The following CNTN5 variants were observed in gnomAD, a reference collection of about 807,000 sequenced individuals.
CNTN5 encodes contactin-5.
In CNTN5, 77 loss-of-function variants were observed where a neutral mutation model predicts 129.1. That is an observed-to-expected ratio of 0.60 (90% CI 0.50 to 0.72). The LOEUF is 0.72. Among genes scored for constraint, CNTN5 ranks in the 30% least tolerant of loss-of-function variants. The pLI is 0.00. For missense variants in CNTN5, 1,478 were observed against 1,328.8 expected, an observed-to-expected ratio of 1.11 and a Z score of -1.75; for synonymous variants, 509 against 465.6, an observed-to-expected ratio of 1.09 and a Z score of -1.20.
chr11:99,386,909 A>AC (rs397936621), intron 2 of CNTN5, among the ~76,000 whole-genome samples: 1 of 151,970 alleles, frequency 6.6e-6, no homozygotes, highest in Non-Finnish European at 1.5e-5. Flanking sequence ...AAACAAAAAA[A>AC]CTTTTATTTA....
In CNTN5 at chr11:99,488,369, C is replaced by T. The variant is rs866531392; in HGVS notation, c.-70-67776C>T. ...TGTATTTTTAGTAGAGACGGGGTTT[C>T]ACCATGTTGGTCAGGCTGGTCTCGA... On this transcript the variant is annotated intron_variant, in intron 2 of 24. Transcript: ENST00000524871. Among the ~76,000 whole-genome samples the T allele has an allele frequency of 2.0e-4, 30 of 152,012 alleles. 1 individual carries two copies. The highest frequency in any genetic ancestry group is 3.4e-3 in the Middle Eastern group (1 of 294).
At chr11:100,105,820 C>G (rs531669907) in intron 13 of CNTN5, among the ~76,000 whole-genome samples, 13 of 152,262 alleles carry the variant, frequency 8.5e-5, no homozygotes, top group African/African-American at 2.9e-4. Flanking sequence ...GTGCCCAAGG[C>G]TCCATGCAGC....
chr11:99,166,550 G>A (rs1860881916), intron 1 of CNTN5, among the ~76,000 whole-genome samples: 1 of 152,038 alleles, frequency 6.6e-6, no homozygotes, highest in Non-Finnish European at 1.5e-5. Context: ...ATACTAGAGG[G>A]AGTAAAAGAC....
intron 13 of CNTN5, among the ~76,000 whole-genome samples, chr11:100,189,728 T>A (rs1415721098): frequency 6.6e-6 from 1 of 152,094 alleles, no homozygotes; most frequent in Non-Finnish European, 1.5e-5. Flanking sequence ...TGAATAGAAC[T>A]TTTCATTGAC....
chr11:99,906,229 T>G (rs933872167), intron 6 of CNTN5, among the ~76,000 whole-genome samples: 1 of 152,180 alleles, frequency 6.6e-6, no homozygotes, highest in African/African-American at 2.4e-5. Flanking sequence ...TCAAAGGGAA[T>G]GCTTCCACCT....
chr11:99,200,142 G>T (rs1358498720), intron 1 of CNTN5, among the ~76,000 whole-genome samples: 1 of 151,980 alleles, frequency 6.6e-6, no homozygotes, highest in East Asian at 1.9e-4. Context: ...ATTCCAGCTA[G>T]CTGTGGGCAA....
chr11:100,340,382 C>CA (rs1565439293), intron 21 of CNTN5, 81 bp from the exon 22 acceptor site: 2 of 1,048,772 alleles, frequency 1.9e-6, no homozygotes, highest in East Asian at 2.6e-5. Flanking sequence ...CAGCAACATC[C>CA]AAAAAAGAGA....
chr11:99,882,285 A>G (rs1948790594), intron 6 of CNTN5, among the ~76,000 whole-genome samples: 1 of 152,234 alleles, frequency 6.6e-6, no homozygotes, highest in Non-Finnish European at 1.5e-5. Flanking sequence ...TATGGTTTTC[A>G]TAAAAGATAA....
chr11:99,858,978 A>AT (rs11374370), intron 6 of CNTN5, among the ~76,000 whole-genome samples: 152,216 of 152,220 alleles, frequency 1, 76,106 homozygotes, highest in Middle Eastern at 1. Flanking sequence ...ATTTCTAAAC[A>AT]TTTGAACATT....
chr11:99,157,495 C>CA (rs1860392037), intron 1 of CNTN5, among the ~76,000 whole-genome samples: 1 of 151,476 alleles, frequency 6.6e-6, no homozygotes, highest in Admixed American at 6.6e-5. Context: ...TGCAGCAGAG[C>CA]AAAAAAATTG....
chr11:99,664,080 T>C (rs1952696344), intron 3 of CNTN5, among the ~76,000 whole-genome samples: 1 of 152,164 alleles, frequency 6.6e-6, no homozygotes, highest in South Asian at 2.1e-4. Flanking sequence ...CATGGCTTAA[T>C]TTGTAAGTTA....
intron 1 of CNTN5, among the ~76,000 whole-genome samples, chr11:99,193,527 T>C (rs1858749323): frequency 6.6e-6 from 1 of 152,154 alleles, no homozygotes; most frequent in African/African-American, 2.4e-5. Context: ...TTAGAAACAT[T>C]CTTCTTCCTA....
chr11:99,772,965 A>C (rs1391245195), intron 3 of CNTN5, among the ~76,000 whole-genome samples: 2 of 152,092 alleles, frequency 1.3e-5, no homozygotes, highest in African/African-American at 4.8e-5. Flanking sequence ...TTTGTAAATA[A>C]GCAGCCACAT....
chr11:99,802,640 T>C (rs1386017477), intron 3 of CNTN5, among the ~76,000 whole-genome samples: 4 of 152,186 alleles, frequency 2.6e-5, no homozygotes, highest in Non-Finnish European at 5.9e-5. Context: ...GCATTGACTG[T>C]AGAGGCCTTG....
chr11:99,740,246 G>A (rs1195541028), intron 3 of CNTN5, among the ~76,000 whole-genome samples: 1 of 152,042 alleles, frequency 6.6e-6, no homozygotes, highest in African/African-American at 2.4e-5. Context: ...AGGGGTGTAG[G>A]AATGGAAAGC....
chr11:100,008,967 G>C (rs749971146), intron 9 of CNTN5, among the ~76,000 whole-genome samples: 5 of 151,974 alleles, frequency 3.3e-5, no homozygotes, highest in Admixed American at 6.6e-5. Context: ...TACTTAGAGC[G>C]TGCATATTAG....
intron 17 of CNTN5, among the ~76,000 whole-genome samples, chr11:100,263,607 C>A (rs1037569837): frequency 1.3e-5 from 2 of 152,008 alleles, no homozygotes; most frequent in African/African-American, 2.4e-5. Flanking sequence ...CCTGTGATAC[C>A]TTTAAAGACC....
At chr11:99,803,377 T>C (rs1417075135) in intron 3 of CNTN5, among the ~76,000 whole-genome samples, 1 of 152,194 alleles carries the variant, frequency 6.6e-6, no homozygotes, top group Non-Finnish European at 1.5e-5. Flanking sequence ...GACAGCATAA[T>C]TCCAGTGCCT....
chr11:99,264,412 A>G (rs567476541), intron 1 of CNTN5, among the ~76,000 whole-genome samples: 1 of 152,120 alleles, frequency 6.6e-6, no homozygotes, highest in South Asian at 2.1e-4. Flanking sequence ...ACAAACATAG[A>G]TTTTATGGGA....
Sources: allele counts gnomAD v4.1 joint callset (sites outside exome capture counted in the v4.1 genomes callset), GRCh38; gene constraint gnomAD v4.1.1; transcripts MANE v1.5; gene names NCBI Gene and HGNC (gene_info 2026-07-23, HGNC 2026-07-21).